BMPR1B: variants seen among roughly 807,000 people sequenced by gnomAD.
BMPR1B encodes the protein bone morphogenetic protein receptor type-1B.
BMPR1B carries 12 observed loss-of-function variants against 59.1 expected under a neutral mutation model. That is an observed-to-expected ratio of 0.20 (90% CI 0.13 to 0.33). The LOEUF is 0.33. Among genes scored for constraint, BMPR1B ranks in the 10% least tolerant of loss-of-function variants. BMPR1B has a pLI of 1.00. For synonymous variants in BMPR1B, 237 were observed against 207.3 expected, an observed-to-expected ratio of 1.14 and a Z score of -1.23; for missense variants, 550 against 610.9, an observed-to-expected ratio of 0.90 and a Z score of 1.05.
In BMPR1B at chr4:95,155,884, C is replaced by G. The variant is rs908221057; in HGVS notation, c.*1211C>G. 6.6e-5 allele frequency: 10 copies of G among 152,150 alleles called. No individual in the cohort carries two copies. Among genetic ancestry groups the G allele is most frequent in the African/African-American group, 2.4e-4 (10 of 41,506 alleles). The allele number at this position is 152,150 out of a possible 1,614,324, so 9.4% of individuals were successfully genotyped here. On this transcript the variant is annotated 3_prime_UTR_variant, in exon 13 of 13. Coordinates refer to ENST00000515059, the MANE Select transcript of BMPR1B (RefSeq NM_001203.3). ...TATTTTAAAAATAGAGAAACATAAC[C>G]TCTAGATGGGACAGCAGAGGACAGT... is the stretch of plus-strand genomic sequence containing the variant.
At chr4:95,065,370 G>A (rs1727722368) in intron 3 of BMPR1B, among the ~76,000 whole-genome samples, 1 of 152,146 alleles carries the variant, frequency 6.6e-6, no homozygotes, top group Admixed American at 6.5e-5. Context: ...TATGTCATTT[G>A]ATGGTTGCAT....
At chr4:94,834,594 T>A (rs753950406) in intron 1 of BMPR1B, among the ~76,000 whole-genome samples, 4 of 152,152 alleles carry the variant, frequency 2.6e-5, no homozygotes, top group Non-Finnish European at 5.9e-5. Context: ...TGATTGATAT[T>A]AAACCCATTC....
At chr4:95,040,319 T>G (rs1486548329) in intron 3 of BMPR1B, among the ~76,000 whole-genome samples, 1 of 152,190 alleles carries the variant, frequency 6.6e-6, no homozygotes, top group African/African-American at 2.4e-5. Flanking sequence ...TTTAAATCCT[T>G]TTGTGTTAAG....
At chr4:94,832,356 C>T (rs1724632874) in intron 1 of BMPR1B, among the ~76,000 whole-genome samples, 1 of 152,106 alleles carries the variant, frequency 6.6e-6, no homozygotes, top group Non-Finnish European at 1.5e-5. Flanking sequence ...TGATGTATTA[C>T]TGTTTATTAT....
intron 3 of BMPR1B, among the ~76,000 whole-genome samples, chr4:95,035,111 C>T (rs1351907879): frequency 6.6e-6 from 1 of 151,902 alleles, no homozygotes; most frequent in African/African-American, 2.4e-5. Context: ...TGCCCTTTGC[C>T]CACTTTTCAA....
chr4:94,871,715 A>G (rs952465407), intron 1 of BMPR1B, among the ~76,000 whole-genome samples: 2 of 152,220 alleles, frequency 1.3e-5, no homozygotes, highest in Non-Finnish European at 2.9e-5. Context: ...CACATACAGA[A>G]AAGGTTTGAT....
rs990028058 is a variant in BMPR1B at position 95,154,979 on chromosome 4, A to G, written c.*306A>G. 5.9e-6 allele frequency: 2 copies of G among 336,640 alleles called. No homozygotes were observed. The highest frequency in any genetic ancestry group is 4.3e-5 in the African/African-American group (2 of 47,030). The allele number at this position is 336,640 out of a possible 1,614,324, so 20.9% of individuals were successfully genotyped here. ...GTGATTGCCTTTTTTTTTTTTTAAG[A>G]TGCTTTCATTTTGCCAAAATAAAAC... On this transcript the variant is annotated 3_prime_UTR_variant, in exon 13 of 13. Transcript: ENST00000515059.
intron 1 of BMPR1B, among the ~76,000 whole-genome samples, chr4:94,798,585 A>G (rs550541925): frequency 6.6e-6 from 1 of 152,340 alleles, no homozygotes; most frequent in South Asian, 2.1e-4. Flanking sequence ...GAAGCCAGGC[A>G]GCATCGTCCT....
chr4:94,843,503 A>G (rs978797504), intron 1 of BMPR1B, among the ~76,000 whole-genome samples: 2 of 152,126 alleles, frequency 1.3e-5, no homozygotes, highest in African/African-American at 4.8e-5. Context: ...TAATGGTTCC[A>G]TTCTTCAGTG....
chr4:94,815,785 A>G (rs1723987970), intron 1 of BMPR1B, among the ~76,000 whole-genome samples: 1 of 152,236 alleles, frequency 6.6e-6, no homozygotes, highest in Admixed American at 6.5e-5. Context: ...AAGATGATAC[A>G]TTTAAAAATG....
intron 3 of BMPR1B, among the ~76,000 whole-genome samples, chr4:94,999,978 C>A (rs1251448869): frequency 6.6e-6 from 1 of 152,064 alleles, no homozygotes; most frequent in Non-Finnish European, 1.5e-5. Context: ...TCTTTTAGCT[C>A]TGATATTCAA....
intron 1 of BMPR1B, among the ~76,000 whole-genome samples, chr4:94,795,365 G>A (rs565228549): frequency 1.3e-5 from 2 of 151,912 alleles, no homozygotes; most frequent in Admixed American, 1.3e-4. Flanking sequence ...TCCCAGGGAT[G>A]AAGCCCACTT....
intron 1 of BMPR1B, among the ~76,000 whole-genome samples, chr4:94,796,890 T>C (rs1438991902): frequency 6.6e-6 from 1 of 152,218 alleles, no homozygotes; most frequent in Non-Finnish European, 1.5e-5. Flanking sequence ...TATAATAGAG[T>C]TTACTTGTTT....
intron 1 of BMPR1B, among the ~76,000 whole-genome samples, chr4:94,813,465 C>CAG (rs2110642104): frequency 6.6e-6 from 1 of 152,198 alleles, no homozygotes; most frequent in African/African-American, 2.4e-5. Flanking sequence ...ATGTGAGGAG[C>CAG]AGCAGGAATG....
intron 3 of BMPR1B, among the ~76,000 whole-genome samples, chr4:95,080,063 T>C (rs1284525692): frequency 1.3e-5 from 2 of 152,160 alleles, no homozygotes; most frequent in Non-Finnish European, 2.9e-5. Context: ...AATAAAAGCA[T>C]TTAAAGTACA....
At chr4:94,919,076 G>C (rs752057140) in intron 2 of BMPR1B, among the ~76,000 whole-genome samples, 1 of 151,936 alleles carries the variant, frequency 6.6e-6, no homozygotes, top group Non-Finnish European at 1.5e-5. Flanking sequence ...ATCTTATAAC[G>C]TGATGCATCA....
At chr4:94,767,175 A>G (rs1221842521) in intron 1 of BMPR1B, among the ~76,000 whole-genome samples, 2 of 152,186 alleles carry the variant, frequency 1.3e-5, no homozygotes, top group East Asian at 3.8e-4. Context: ...TAATGTTGAG[A>G]TGAACGTGGA....
chr4:94,881,140 A>G (rs552328863), intron 2 of BMPR1B, among the ~76,000 whole-genome samples: 2 of 152,262 alleles, frequency 1.3e-5, no homozygotes, highest in African/African-American at 4.8e-5. Context: ...TACCATTACC[A>G]TCATCCATCT....
At chr4:94,825,011 G>C (rs938841303) in intron 1 of BMPR1B, among the ~76,000 whole-genome samples, 2 of 152,168 alleles carry the variant, frequency 1.3e-5, no homozygotes, top group African/African-American at 4.8e-5. Flanking sequence ...TGAAAAAGAA[G>C]GACGTTTAGA....
Sources: gnomAD v4.1 joint callset for allele counts (sites outside exome capture counted in the v4.1 genomes callset) on GRCh38, gnomAD v4.1.1 for gene constraint, MANE v1.5 for transcripts, NCBI Gene and HGNC (gene_info 2026-07-23, HGNC 2026-07-21) for gene names.